KLF8: variants seen among roughly 807,000 people sequenced by gnomAD.
The protein encoded by KLF8 is KLF transcription factor 8.
Under a neutral mutation model 18.2 loss-of-function variants are expected in KLF8, and 10 were observed. The ratio of observed to expected loss-of-function variants is 0.55; its 90% confidence interval spans 0.34 to 0.93. The LOEUF (loss-of-function observed/expected upper bound fraction) is 0.93. Ranked by LOEUF, KLF8 falls within the 40% of genes least tolerant of loss-of-function variation. The pLI is 0.02. For synonymous variants in KLF8, 109 were observed against 97.3 expected, an observed-to-expected ratio of 1.12 and a Z score of -0.71; for missense variants, 264 against 277.9, an observed-to-expected ratio of 0.95 and a Z score of 0.36.
At chrX:56,002,222 G>C in the KLF8 span, among the ~76,000 whole-genome samples, 1 of 111,700 alleles carries the variant, frequency 9.0e-6, no homozygotes, top group Non-Finnish European at 1.9e-5. Context: ...TGCACTTACT[G>C]TTCTCTTGGC....
the KLF8 span, among the ~76,000 whole-genome samples, chrX:56,081,754 T>C: frequency 9.7e-4 from 109 of 112,225 alleles, no homozygotes; most frequent in African/African-American, 3.5e-3. Flanking sequence ...TGTGATGTAT[T>C]ACATTGATTG....
the KLF8 span, among the ~76,000 whole-genome samples, chrX:56,047,088 G>C: frequency 1.8e-5 from 2 of 108,821 alleles, no homozygotes; most frequent in Admixed American, 9.9e-5. Flanking sequence ...TTGATGATTT[G>C]GGTTAATTTG....
At chrX:56,187,572 A>G in the KLF8 span, among the ~76,000 whole-genome samples, 3 of 111,753 alleles carry the variant, frequency 2.7e-5, no homozygotes, top group Non-Finnish European at 5.6e-5. Flanking sequence ...CACAACCAAA[A>G]AAGAAAATTT....
the KLF8 span, among the ~76,000 whole-genome samples, chrX:56,155,860 C>T: frequency 9.0e-6 from 1 of 111,380 alleles, no homozygotes; most frequent in East Asian, 2.8e-4. Flanking sequence ...ATATTTATTT[C>T]CGTGTGTGCT....
the KLF8 span, among the ~76,000 whole-genome samples, chrX:55,970,960 T>A: frequency 3.6e-5 from 4 of 111,889 alleles, no homozygotes; most frequent in African/African-American, 1.3e-4. Context: ...ATTGGAAGAA[T>A]CAACATTGTT....
At chrX:56,005,697 T>C in the KLF8 span, among the ~76,000 whole-genome samples, 1 of 112,031 alleles carries the variant, frequency 8.9e-6, no homozygotes, top group African/African-American at 3.2e-5. Flanking sequence ...TGGCAGGGTG[T>C]GTGCATGCAG....
intron 2 of KLF8, among the ~76,000 whole-genome samples, chrX:56,264,008 T>C (rs1014434723): frequency 2.7e-5 from 3 of 112,035 alleles, no homozygotes; most frequent in African/African-American, 9.7e-5. Flanking sequence ...ATGTATTCCT[T>C]AACATTTTTC....
chrX:55,990,381 T>A, the KLF8 span, among the ~76,000 whole-genome samples: 5 of 112,289 alleles, frequency 4.5e-5, no homozygotes, highest in South Asian at 7.4e-4. Flanking sequence ...AATGTGTCCC[T>A]GAGATTCTGG....
At chrX:56,108,247 C>A in the KLF8 span, among the ~76,000 whole-genome samples, 104 of 111,852 alleles carry the variant, frequency 9.3e-4, no homozygotes, top group Non-Finnish European at 1.6e-3. Flanking sequence ...TGTTGAATAG[C>A]AGTGTTGAAA....
At chrX:55,941,152 G>T in the KLF8 span, among the ~76,000 whole-genome samples, 1 of 111,934 alleles carries the variant, frequency 8.9e-6, no homozygotes. Flanking sequence ...AAACAGCATG[G>T]TATTGGTACC....
the KLF8 span, among the ~76,000 whole-genome samples, chrX:56,198,291 T>C: frequency 5.4e-5 from 6 of 111,903 alleles, no homozygotes; most frequent in African/African-American, 1.9e-4. Context: ...AAAGAGGAAG[T>C]CAAATTGTCC....
chrX:56,270,209 A>G lies in KLF8; in HGVS notation c.786A>G (p.Gly262=). Residue 262 remains glycine (G), a synonymous_variant, in exon 5 of 6, where the codon GGA becomes GGG. Transcript: ENST00000468660. Reference sequence around the variant, plus strand: ...CAGCAGCAATGGCCCAAATGCAGGGAGAAGAGTCGCTTGACTTGAAGAGAA... The same window carrying G: ...CAGCAGCAATGGCCCAAATGCAGGGGGAAGAGTCGCTTGACTTGAAGAGAA... ...QEPAAMAQMQ[G]EESLDLKRRR... 1 of 1,210,073 alleles carries G rather than the reference A, an allele frequency of 8.3e-7. No homozygotes were observed. Among genetic ancestry groups the G allele is most frequent in the Non-Finnish European group, 1.1e-6 (1 of 894,591 alleles).
At chrX:56,108,022 T>A in the KLF8 span, among the ~76,000 whole-genome samples, 34 of 112,425 alleles carry the variant, frequency 3.0e-4, 1 homozygote, top group Middle Eastern at 9.1e-3. Flanking sequence ...ATTGCTTGTG[T>A]GTAGAAACAC....
At chrX:56,170,332 A>G in the KLF8 span, among the ~76,000 whole-genome samples, 73 of 110,890 alleles carry the variant, frequency 6.6e-4, 1 homozygote, top group East Asian at 9.4e-3. Context: ...ACCTCACCAA[A>G]TGAACTAAAT....
intron 5 of KLF8, among the ~76,000 whole-genome samples, chrX:56,273,916 A>G (rs1471672943): frequency 1.8e-5 from 2 of 112,371 alleles, no homozygotes; most frequent in African/African-American, 6.5e-5. Flanking sequence ...TTCTTTATCC[A>G]TTCATCTGTT....
At chrX:56,095,663 A>T in the KLF8 span, among the ~76,000 whole-genome samples, 3 of 111,916 alleles carry the variant, frequency 2.7e-5, no homozygotes, top group African/African-American at 9.7e-5. Context: ...ACCATTCTTT[A>T]AAAAAAAGAC....
the KLF8 span, among the ~76,000 whole-genome samples, chrX:56,189,534 G>A: frequency 9.0e-6 from 1 of 110,903 alleles, no homozygotes; most frequent in Non-Finnish European, 1.9e-5. Flanking sequence ...ATACCCAAAG[G>A]ACTATAAATC....
the KLF8 span, among the ~76,000 whole-genome samples, chrX:55,988,361 C>G: frequency 8.1e-5 from 9 of 111,651 alleles, no homozygotes; most frequent in Non-Finnish European, 1.1e-4. Flanking sequence ...TTTAATCCAT[C>G]TTGAATTAAT....
the KLF8 span, among the ~76,000 whole-genome samples, chrX:56,222,094 A>C: frequency 8.9e-6 from 1 of 111,881 alleles, no homozygotes; most frequent in African/African-American, 3.3e-5. Context: ...AGCTAGACAC[A>C]GGGTGCCGAT....
Sources: allele counts gnomAD v4.1 joint callset (sites outside exome capture counted in the v4.1 genomes callset), GRCh38; gene constraint gnomAD v4.1.1; transcripts MANE v1.5; gene names NCBI Gene and HGNC (gene_info 2026-07-23, HGNC 2026-07-21).